Variants in ARHGEF5 observed in about 807,000 individuals in gnomAD.
ARHGEF5 encodes the protein Rho guanine nucleotide exchange factor 5, also known as Rho guanine nucleotide exchange factor (GEF) 5.
Under a neutral mutation model 104.0 loss-of-function variants are expected in ARHGEF5, and 11 were observed. The observed-to-expected ratio is 0.11, with a 90% CI of 0.07 to 0.18. The LOEUF is 0.18. Among genes scored for constraint, ARHGEF5 ranks in the 10% least tolerant of loss-of-function variants. The pLI is 1.00. For missense variants in ARHGEF5, 165 were observed against 1,335.4 expected (o/e 0.12, Z 13.66); for synonymous variants, 60 against 512.2 (o/e 0.12, Z 11.92).
intron 1 of ARHGEF5, among the ~76,000 whole-genome samples, chr7:144,358,796 TGTG>T (rs1563113855): frequency 8.3e-5 from 11 of 132,572 alleles, no homozygotes; most frequent in African/African-American, 3.0e-4. Context: ...TGTGTGTGTG[TGTG>T]TGTACACACA....
chr7:144,360,797 A>G (rs1237752277), intron 1 of ARHGEF5, among the ~76,000 whole-genome samples: 1 of 138,192 alleles, frequency 7.2e-6, no homozygotes. Context: ...AAATTTTACT[A>G]TCTATTGGTT....
chr7:144,378,576 C>G (rs1420379757), intron 13 of ARHGEF5, among the ~76,000 whole-genome samples, 186 bp from the exon 14 acceptor site: 3 of 152,142 alleles, frequency 2.0e-5, no homozygotes, highest in Non-Finnish European at 4.4e-5. Flanking sequence ...AATTTTTGGT[C>G]CATTTCATTT....
intron 14 of ARHGEF5, 55 bp downstream of exon 14, chr7:144,378,921 G>T (rs1169391028): frequency 6.6e-6 from 10 of 1,526,130 alleles, no homozygotes; most frequent in Non-Finnish European, 8.2e-6. Flanking sequence ...GGGCAGTGCT[G>T]GGAGTGTGTT....
chr7:144,378,794 A>G lies in ARHGEF5; in HGVS notation c.4564A>G (p.Lys1522Glu), dbSNP rs1033611854. The G allele has an allele frequency of 1.9e-6, 3 of 1,614,034 alleles. No homozygotes were observed. The highest frequency in any genetic ancestry group is 2.5e-6 in the Non-Finnish European group (3 of 1,179,980). ...CCAGGTACAGTGCCTTCGAGCCTAC[A>G]AGCCCCGAGAGAATGATGAATTGGC... is the stretch of plus-strand genomic sequence containing the variant. ...SPQVQCLRAY[K>E]PRENDELALE... Residue 1522 changes from lysine to glutamate, a missense_variant, in exon 14 of 15, where the codon AAG (lysine) becomes GAG (glutamate). Coordinates refer to ENST00000056217, the MANE Select transcript of ARHGEF5 (RefSeq NM_005435.4).
Position 144,378,834 on chromosome 7 carries a change from A to G in ARHGEF5, c.4604A>G (p.Asp1535Gly). Residue 1535 changes from aspartate to glycine, a missense_variant, in exon 14 of 15, where the codon GAC (aspartate) becomes GGC (glycine). By Grantham distance (94) the Asp-to-Gly change is moderately conservative. Coordinates refer to ENST00000056217, the MANE Select transcript of ARHGEF5 (RefSeq NM_005435.4). ...GATGAATTGGCACTGGAGAAAGCCG[A>G]CGTGGTGATGGTGACTCAGCAGAGC... ...ENDELALEKADVVMVTQQSSD... is the reference protein window; with the variant it reads ...ENDELALEKAGVVMVTQQSSD... The G allele has an allele frequency of 6.2e-7, 1 of 1,614,096 alleles. No homozygotes were observed. The highest frequency in any genetic ancestry group is 8.5e-7 in the Non-Finnish European group (1 of 1,179,980).
At chr7:144,378,971 G>C in intron 14 of ARHGEF5, 105 bp downstream of exon 14, 1 of 1,138,580 alleles carries the variant, frequency 8.8e-7, no homozygotes, top group South Asian at 1.4e-5. Context: ...CATGGACTGG[G>C]TGGCTTATGG....
chr7:144,370,684 C>T (rs1365237963), intron 5 of ARHGEF5, among the ~76,000 whole-genome samples: 32 of 148,848 alleles, frequency 2.1e-4, no homozygotes, highest in African/African-American at 7.7e-4. Context: ...CAGCCTGGTC[C>T]TGAACTCCCA....
intron 1 of ARHGEF5, among the ~76,000 whole-genome samples, chr7:144,361,252 A>G (rs1252072647): frequency 9.0e-6 from 1 of 111,176 alleles, no homozygotes; most frequent in African/African-American, 3.2e-5. Context: ...GAAAAGAAAA[A>G]AAAAAAAAGA....
chr7:144,380,066 G>C lies in ARHGEF5; in HGVS notation c.*10G>C. 2 of 1,614,094 alleles carry C rather than the reference G, an allele frequency of 1.2e-6. No homozygotes were observed. Among genetic ancestry groups the C allele is most frequent in the Non-Finnish European group, 1.7e-6 (2 of 1,179,968 alleles). On this transcript the variant is annotated 3_prime_UTR_variant, in exon 15 of 15. Transcript: ENST00000056217. ...GGAACAGCAAGCCTAAGTCTTCTCTGAGAGGAGTTTCGTGAGCTGAAGAAC... is the reference window on the plus strand; with the variant it reads ...GGAACAGCAAGCCTAAGTCTTCTCTCAGAGGAGTTTCGTGAGCTGAAGAAC...
At chr7:144,379,748 G>A (rs1021597321) in intron 14 of ARHGEF5, 151 bp from the exon 15 acceptor site, 34 of 994,972 alleles carry the variant, frequency 3.4e-5, no homozygotes, top group East Asian at 1.5e-4. Flanking sequence ...ACCCAGGGCC[G>A]CCATGTTAGG....
intron 1 of ARHGEF5, among the ~76,000 whole-genome samples, chr7:144,361,219 T>A (rs2053636507): frequency 1.2e-5 from 1 of 85,964 alleles, no homozygotes; most frequent in Non-Finnish European, 2.4e-5. Flanking sequence ...AGAGCAAGAC[T>A]CCATCTCAAA....
At chr7:144,370,745 C>T (rs1156671617) in intron 5 of ARHGEF5, among the ~76,000 whole-genome samples, 3 of 146,802 alleles carry the variant, frequency 2.0e-5, no homozygotes, top group Non-Finnish European at 3.0e-5. Context: ...GGATTACAGG[C>T]GTGAGCCACT....
Position 144,380,305 on chromosome 7 carries a change from T to G in ARHGEF5, c.*249T>G. 2.3e-6 allele frequency: 1 copy of G among 433,854 alleles called. No homozygotes were observed. 26.9% of individuals were successfully genotyped at this position (433,854 alleles called of 1,614,324 possible). A position where few individuals can be genotyped will look rare whatever the true frequency, so the allele number is the denominator to read the frequency against. On this transcript the variant is annotated 3_prime_UTR_variant, in exon 15 of 15. Coordinates refer to ENST00000056217, the MANE Select transcript of ARHGEF5 (RefSeq NM_005435.4). ...TCATCATTAAAAAAAGGGGGACCAT[T>G]GGGGCCTGAGCCAAGGAACTTTCCT...
At position 144,378,780 on chromosome 7, in the gene ARHGEF5, G is replaced by C. The variant is rs1202181527; in HGVS notation, c.4550G>C (p.Cys1517Ser). 11 of 1,613,836 alleles carry C rather than the reference G, an allele frequency of 6.8e-6. No individual in the cohort carries two copies. The highest frequency in any genetic ancestry group is 1.3e-5 in the African/African-American group (1 of 74,884). The change falls in exon 14 of 15, where the codon TGC becomes TCC. Residue 1517 changes from cysteine to serine, a missense_variant. By Grantham distance (112) the Cys-to-Ser change is moderately radical (BLOSUM62 -1). Transcript: ENST00000056217. Reference sequence around the variant, plus strand: ...TCCAAAGACTCCCCCCAGGTACAGTGCCTTCGAGCCTACAAGCCCCGAGAG... The same window carrying C: ...TCCAAAGACTCCCCCCAGGTACAGTCCCTTCGAGCCTACAAGCCCCGAGAG... ...LECYNSPQVQ[C>S]LRAYKPREND...
At chr7:144,357,713 G>A (rs1420194420) in intron 1 of ARHGEF5, among the ~76,000 whole-genome samples, 17 of 151,734 alleles carry the variant, frequency 1.1e-4, no homozygotes, top group East Asian at 9.8e-4. Context: ...AAATAGACAA[G>A]AGCTAAGGTG....
intron 13 of ARHGEF5, 126 bp downstream of exon 13, chr7:144,377,316 G>A: frequency 6.6e-7 from 1 of 1,513,476 alleles, no homozygotes; most frequent in South Asian, 1.2e-5. Context: ...AAATGTCAGG[G>A]TGGAAGATTG....
rs74598024 is a variant in ARHGEF5 at position 144,380,074 on chromosome 7, T to C, written c.*18T>C. On this transcript the variant is annotated 3_prime_UTR_variant, in exon 15 of 15. Transcript: ENST00000056217. Reference sequence around the variant, plus strand: ...AAGCCTAAGTCTTCTCTGAGAGGAGTTTCGTGAGCTGAAGAACAAGCTGCT... The same window carrying C: ...AAGCCTAAGTCTTCTCTGAGAGGAGCTTCGTGAGCTGAAGAACAAGCTGCT... 10 of 1,613,342 alleles carry C rather than the reference T, an allele frequency of 6.2e-6. No individual in the cohort carries two copies. In the Admixed American group the frequency reaches 1.7e-4, roughly 27 times the overall value.
chr7:144,360,881 A>G (rs1334555273), intron 1 of ARHGEF5, among the ~76,000 whole-genome samples: 1 of 145,526 alleles, frequency 6.9e-6, no homozygotes, highest in Non-Finnish European at 1.5e-5. Context: ...AGGAAAAGTA[A>G]AGAGAATTAT....
rs2053689996 is a variant in ARHGEF5 at position 144,365,765 on chromosome 7, C to CA, written c.3098dup (p.Trp1035LeufsTer14). 1 of 357,576 alleles carries CA rather than the reference C, an allele frequency of 2.8e-6. No individual in the cohort carries two copies. Among genetic ancestry groups the CA allele is most frequent in the African/African-American group, 8.5e-5 (1 of 11,814 alleles). The allele number at this position is 357,576 out of a possible 1,614,324, so 22.2% of individuals were successfully genotyped here. ...CTCCTAGTGAGGGGGCCAACAAGCA[C>CA]AAGGGCTGGAGCCGGCAGGGCCTGC... is the stretch of plus-strand genomic sequence containing the variant. On this transcript the variant is annotated frameshift_variant, in exon 2 of 15. Transcript: ENST00000056217. LOFTEE classifies it high-confidence loss of function.
Sources: allele counts gnomAD v4.1 joint callset (sites outside exome capture counted in the v4.1 genomes callset), GRCh38; gene constraint gnomAD v4.1.1; transcripts MANE v1.5; gene names NCBI Gene and HGNC (gene_info 2026-07-23, HGNC 2026-07-21).